GDAP2: variants seen among roughly 807,000 people sequenced by gnomAD.
GDAP2 encodes the protein ganglioside-induced differentiation-associated protein 2.
In GDAP2, 51 loss-of-function variants were observed where a neutral mutation model predicts 67.0. The ratio of observed to expected loss-of-function variants is 0.76; its 90% CI spans 0.61 to 0.96. The LOEUF (loss-of-function observed/expected upper bound fraction) is 0.96, where lower values mean the gene tolerates loss of function less well. GDAP2 is among the 40% of genes least tolerant of loss of function. GDAP2 has a pLI of 0.00. For missense variants in GDAP2, 547 were observed against 588.3 expected, an observed-to-expected ratio of 0.93 and a Z score of 0.73; for synonymous variants, 203 against 207.3, an observed-to-expected ratio of 0.98 and a Z score of 0.18.
chr1:117,902,047 A>G (rs1649488922), intron 6 of GDAP2, among the ~76,000 whole-genome samples: 1 of 151,562 alleles, frequency 6.6e-6, no homozygotes. Flanking sequence ...ATTTCCTCAC[A>G]CTCCTGCTTC....
intron 12 of GDAP2, among the ~76,000 whole-genome samples, chr1:117,878,858 A>G (rs1648556919): frequency 6.6e-6 from 1 of 152,246 alleles, no homozygotes; most frequent in South Asian, 2.1e-4. Context: ...ATTGGCAATC[A>G]CAAATTAGTC....
intron 12 of GDAP2, 82 bp from the exon 13 acceptor site, chr1:117,878,234 A>AT: frequency 3.1e-6 from 2 of 646,406 alleles, no homozygotes; most frequent in Non-Finnish European, 5.2e-6. Context: ...TTTATAGTAG[A>AT]TAAAAACTAT....
At chr1:117,922,087 C>T (rs1237104680) in intron 1 of GDAP2, among the ~76,000 whole-genome samples, 2 of 151,874 alleles carry the variant, frequency 1.3e-5, no homozygotes, top group Non-Finnish European at 2.9e-5. Context: ...ATTTGAGATG[C>T]TCATTCTATG....
At chr1:117,918,077 G>A (rs569635311) in intron 3 of GDAP2, among the ~76,000 whole-genome samples, 20 of 152,300 alleles carry the variant, frequency 1.3e-4, no homozygotes, top group African/African-American at 4.8e-4. Context: ...TTAAATGATA[G>A]AAGGGAAGGA....
In GDAP2 at chr1:117,896,938, C is replaced by A. The variant is rs367706263; in HGVS notation, c.848G>T (p.Gly283Val). The A allele has an allele frequency of 6.2e-7, 1 of 1,611,650 alleles. No individual in the cohort carries two copies. The highest frequency in any genetic ancestry group is 8.5e-7 in the Non-Finnish European group (1 of 1,178,102). ...TTCCATTCGAGCAAAAGCATGAGAG[C>A]CAATGAAAGAGAGATCAACTCCCAA... ...EGLGVDLSFI[G>V]SHAFARMEGD... The change falls in exon 8 of 14, where the codon GGC becomes GTC. Residue 283 changes from glycine to valine, a missense_variant. Coordinates refer to ENST00000369443, the MANE Select transcript of GDAP2 (RefSeq NM_017686.4).
chr1:117,880,872 T>C (rs1648626279), intron 12 of GDAP2, among the ~76,000 whole-genome samples: 1 of 152,164 alleles, frequency 6.6e-6, no homozygotes, highest in South Asian at 2.1e-4. Context: ...CTTAAGCTAA[T>C]GTCATTACTA....
chr1:117,883,678 ATTTCAC>A, intron 10 of GDAP2, 51 bp from the exon 11 acceptor site: 2 of 1,364,422 alleles, frequency 1.5e-6, no homozygotes, highest in Non-Finnish European at 2.0e-6. Context: ...ACAGTAGTCT[ATTTCAC>A]AGAGACCAAG....
intron 5 of GDAP2, among the ~76,000 whole-genome samples, chr1:117,907,515 G>C (rs549531442): frequency 2.8e-4 from 43 of 152,200 alleles, no homozygotes; most frequent in African/African-American, 1.0e-3. Flanking sequence ...GAACAAACCT[G>C]GTCCTTTTTA....
chr1:117,875,536 C>G (rs145653306), intron 13 of GDAP2, among the ~76,000 whole-genome samples: 373 of 152,304 alleles, frequency 2.4e-3, no homozygotes, highest in Non-Finnish European at 4.4e-3. Flanking sequence ...CCTAGTGGAG[C>G]TGTGGGGTTG....
chr1:117,876,342 G>A lies in GDAP2; in HGVS notation c.1446+1667C>T, dbSNP rs77007637. Among the ~76,000 whole-genome samples, 647 of 152,102 alleles carry A rather than the reference G, an allele frequency of 4.3e-3. 5 individuals carry two copies. Among genetic ancestry groups the A allele is most frequent in the African/African-American group, 0.015 (617 of 41,486 alleles). ...TACTGGTTTCCCTTCCCCTTCTGCC[G>A]TGAGTGGAAGCAGCCTGAGTCCCTC... On this transcript the variant is annotated intron_variant, in intron 13 of 13. Transcript: ENST00000369443.
chr1:117,873,428 A>G (rs910331380), intron 13 of GDAP2, among the ~76,000 whole-genome samples: 2 of 151,972 alleles, frequency 1.3e-5, no homozygotes, highest in African/African-American at 4.8e-5. Flanking sequence ...TTTTTTTTAA[A>G]CAGATACTAA....
At chr1:117,886,748 T>A in intron 9 of GDAP2, 95 bp from the exon 10 acceptor site, 1 of 732,790 alleles carries the variant, frequency 1.4e-6, no homozygotes, top group Non-Finnish European at 2.4e-6. Flanking sequence ...TATGTGAATT[T>A]AAAAGATTGA....
chr1:117,907,196 G>C (rs1649686070), intron 5 of GDAP2, among the ~76,000 whole-genome samples: 1 of 151,978 alleles, frequency 6.6e-6, no homozygotes. Context: ...TAACTCATTG[G>C]ATCTCTCCCT....
chr1:117,871,742 A>G (rs1570961268), intron 13 of GDAP2, among the ~76,000 whole-genome samples: 1 of 152,042 alleles, frequency 6.6e-6, no homozygotes, highest in East Asian at 1.9e-4. Context: ...CTAACCATGT[A>G]TCAAACAAAA....
At chr1:117,909,090 T>A (rs1271585736) in intron 5 of GDAP2, among the ~76,000 whole-genome samples, 1 of 152,216 alleles carries the variant, frequency 6.6e-6, no homozygotes, top group African/African-American at 2.4e-5. Flanking sequence ...ACGCTCTTCC[T>A]TTCAAAGTTT....
intron 13 of GDAP2, among the ~76,000 whole-genome samples, chr1:117,874,215 G>A (rs1219403733): frequency 2.0e-5 from 3 of 152,162 alleles, no homozygotes; most frequent in African/African-American, 7.2e-5. Context: ...GCTGGAAGTA[G>A]GGCCTAGTCG....
chr1:117,914,192 CTAACAAAAACT>C (rs774317868), intron 3 of GDAP2, among the ~76,000 whole-genome samples: 1 of 152,058 alleles, frequency 6.6e-6, no homozygotes, highest in Non-Finnish European at 1.5e-5. Flanking sequence ...AGAAAAGCCT[CTAACAAAAACT>C]AAAAGGGGAG....
rs1648143316 is a variant in GDAP2 at position 117,868,303 on chromosome 1, A to G, written c.*2266T>C. The G allele has an allele frequency of 6.6e-6, 1 of 152,208 alleles. No homozygotes were observed. The allele number at this position is 152,208 out of a possible 1,614,324, so 9.4% of individuals were successfully genotyped here. A position where few individuals can be genotyped will look rare whatever the true frequency, so the allele number is the denominator to read the frequency against. ...CACATCAAATTTAGTTTCAGTGAGA[A>G]GAGTGGTCCTTATCTTTCTTTAGTC... is the stretch of plus-strand genomic sequence containing the variant. On this transcript the variant is annotated 3_prime_UTR_variant, in exon 14 of 14. Transcript: ENST00000369443.
chr1:117,908,834 AAT>A (rs1649750735), intron 5 of GDAP2, among the ~76,000 whole-genome samples: 1 of 146,576 alleles, frequency 6.8e-6, no homozygotes, highest in African/African-American at 2.8e-5. Flanking sequence ...CAAAAAAATA[AAT>A]AAATAAATAA....
Sources: allele counts gnomAD v4.1 joint callset (sites outside exome capture counted in the v4.1 genomes callset), GRCh38; gene constraint gnomAD v4.1.1; transcripts MANE v1.5; gene names NCBI Gene and HGNC (gene_info 2026-07-23, HGNC 2026-07-21).